Variants in SLC22A25 observed in about 807,000 individuals in gnomAD.
SLC22A25 encodes the protein solute carrier family 22 member 25, also known as MGI:2442751, MGI:2385316, MGI:3042283, MGI:3645714, MGI:3605624, MGI:2442750.
In SLC22A25, 44 loss-of-function variants were observed where a neutral mutation model predicts 45.9. That is an observed-to-expected ratio of 0.96 (90% CI 0.75 to 1.23). The LOEUF is 1.23. Among genes scored for constraint, SLC22A25 ranks in the 50% most tolerant of loss-of-function variants. SLC22A25 has a pLI of 0.00. For synonymous variants in SLC22A25, 283 were observed against 238.6 expected, an observed-to-expected ratio of 1.19 and a Z score of -1.72; for missense variants, 800 against 666.4, an observed-to-expected ratio of 1.20 and a Z score of -2.21.
intron 7 of SLC22A25, among the ~76,000 whole-genome samples, chr11:63,214,784 G>T (rs2089669174): frequency 6.6e-6 from 1 of 150,960 alleles, no homozygotes; most frequent in African/African-American, 2.4e-5. Context: ...TTTGTTCAGG[G>T]CTCAGTCCTT....
rs563010128 is a variant in SLC22A25, at chr11:63,231,539, G to C, written c.-444-1443C>G. Among the ~76,000 whole-genome samples the C allele has an allele frequency of 4.6e-5, 7 of 152,196 alleles. No homozygotes were observed. In the South Asian group the frequency reaches 1.5e-3, roughly 32 times the overall value. On this transcript the variant is annotated intron_variant, in intron 3 of 11. Transcript: ENST00000306494. ...TTTGTTGGAGTTCATTGTAGATTCT[G>C]GATATTAGCCCTTTGTCAGATGAGT...
intron 9 of SLC22A25, among the ~76,000 whole-genome samples, chr11:63,178,659 T>C (rs1041236882): frequency 2.0e-5 from 3 of 152,148 alleles, no homozygotes; most frequent in African/African-American, 7.2e-5. Flanking sequence ...AATAAGCTTA[T>C]TTGTTTTTTT....
chr11:63,188,833 A>C (rs550708594), intron 7 of SLC22A25, among the ~76,000 whole-genome samples: 2 of 152,198 alleles, frequency 1.3e-5, no homozygotes, highest in East Asian at 3.9e-4. Flanking sequence ...CAGGTTGTTC[A>C]GTTTCCATGT....
At chr11:63,205,531 T>C (rs1365769801) in intron 7 of SLC22A25, among the ~76,000 whole-genome samples, 1 of 152,226 alleles carries the variant, frequency 6.6e-6, no homozygotes, top group Non-Finnish European at 1.5e-5. Flanking sequence ...AACAACCCTA[T>C]GCAAATGAAG....
chr11:63,241,248 T>C (rs1384133838), intron 1 of SLC22A25, among the ~76,000 whole-genome samples: 1 of 152,158 alleles, frequency 6.6e-6, no homozygotes, highest in African/African-American at 2.4e-5. Flanking sequence ...TGGGGAGATG[T>C]GAACCTGGAA....
At chr11:63,235,061 C>T (rs960490509) in intron 3 of SLC22A25, among the ~76,000 whole-genome samples, 9 of 152,100 alleles carry the variant, frequency 5.9e-5, no homozygotes, top group African/African-American at 2.2e-4. Flanking sequence ...CTCTGGCTGC[C>T]CTTAACATTT....
chr11:63,197,234 T>C (rs982353326), intron 7 of SLC22A25, among the ~76,000 whole-genome samples: 10 of 152,144 alleles, frequency 6.6e-5, no homozygotes, highest in Admixed American at 2.6e-4. Flanking sequence ...ATGACTTTCT[T>C]CAAACAATCA....
intron 7 of SLC22A25, among the ~76,000 whole-genome samples, chr11:63,215,348 C>A (rs765283447): frequency 2.0e-5 from 3 of 152,060 alleles, no homozygotes; most frequent in Non-Finnish European, 4.4e-5. Flanking sequence ...AACCAAACAC[C>A]ACATATTCTC....
intron 9 of SLC22A25, among the ~76,000 whole-genome samples, chr11:63,168,601 G>A (rs539449735): frequency 2.0e-5 from 3 of 152,264 alleles, no homozygotes; most frequent in Admixed American, 1.3e-4. Context: ...AATAAAGTGT[G>A]AAGGAAAGAC....
chr11:63,231,152 T>C (rs921085446), intron 3 of SLC22A25, among the ~76,000 whole-genome samples: 10 of 152,208 alleles, frequency 6.6e-5, no homozygotes, highest in African/African-American at 2.4e-4. Flanking sequence ...TTATAATCCT[T>C]TGGGTATATA....
At chr11:63,217,519 C>T (rs776542003) in intron 6 of SLC22A25, 37 bp from the exon 7 acceptor site, 4 of 1,611,098 alleles carry the variant, frequency 2.5e-6, no homozygotes, top group Non-Finnish European at 3.4e-6. Flanking sequence ...GCTTTAAATA[C>T]AGGTGGAGCT....
intron 2 of SLC22A25, among the ~76,000 whole-genome samples, chr11:63,238,413 C>G (rs1236115496): frequency 6.6e-6 from 1 of 152,092 alleles, no homozygotes; most frequent in East Asian, 1.9e-4. Flanking sequence ...TTTTTAATTG[C>G]AACCACAGGC....
chr11:63,177,259 G>A (rs1475142912), intron 9 of SLC22A25, among the ~76,000 whole-genome samples: 1 of 151,844 alleles, frequency 6.6e-6, no homozygotes, highest in African/African-American at 2.4e-5. Context: ...ACATATTTAT[G>A]AGGCACTGTG....
Position 63,215,221 on chromosome 11 carries a change from G to A in SLC22A25, c.830+2093C>T, listed in dbSNP as rs545402587. 3.9e-5 allele frequency among the ~76,000 whole-genome samples: 6 copies of A among 152,250 alleles called. No homozygotes were observed. In the East Asian group the frequency reaches 1.2e-3, roughly 29 times the overall value. ...TGATAGACTGGATAAAGAAAATGTG[G>A]CACATATACACCATAGAATATTATG... On this transcript the variant is annotated intron_variant, in intron 7 of 11. Transcript: ENST00000306494.
At chr11:63,199,555 C>T (rs576353986) in intron 7 of SLC22A25, among the ~76,000 whole-genome samples, 2 of 152,224 alleles carry the variant, frequency 1.3e-5, no homozygotes, top group South Asian at 2.1e-4. Context: ...CCCCTCCCGC[C>T]TCCCTCCTCA....
Position 63,229,800 on chromosome 11 carries a change from T to G in SLC22A25, c.-148A>C, listed in dbSNP as rs534755375. On this transcript the variant is annotated 5_prime_UTR_variant, in exon 4 of 12. Coordinates refer to ENST00000306494, the MANE Select transcript of SLC22A25 (RefSeq NM_199352.6). ...TTCTTAATGGGCCCTCTCTCCCATCTGCAGCAGGGTCACGGAAGCAATTTC... is the reference window on the plus strand; with the variant it reads ...TTCTTAATGGGCCCTCTCTCCCATCGGCAGCAGGGTCACGGAAGCAATTTC... 1.2e-6 allele frequency: 1 copy of G among 811,742 alleles called. No homozygotes were observed. Among genetic ancestry groups the G allele is most frequent in the Non-Finnish European group, 1.8e-6 (1 of 555,570 alleles). 50.3% of individuals were successfully genotyped at this position (811,742 alleles called of 1,614,324 possible).
At chr11:63,236,180 G>A (rs947043675) in intron 3 of SLC22A25, among the ~76,000 whole-genome samples, 58 of 152,142 alleles carry the variant, frequency 3.8e-4, no homozygotes, top group Admixed American at 9.2e-4. Context: ...TGTCAGACAG[G>A]GACATTTAAG....
chr11:63,202,700 C>T (rs371191827), intron 7 of SLC22A25, among the ~76,000 whole-genome samples: 10 of 152,262 alleles, frequency 6.6e-5, no homozygotes, highest in East Asian at 5.8e-4. Context: ...GGACAGGGCA[C>T]GTGGGGGAAG....
At chr11:63,214,264 A>C (rs1212098128) in intron 7 of SLC22A25, among the ~76,000 whole-genome samples, 1 of 152,186 alleles carries the variant, frequency 6.6e-6, no homozygotes, top group Non-Finnish European at 1.5e-5. Context: ...AACCTGACAC[A>C]CTACTGCGCA....
Sources: gnomAD v4.1 joint callset for allele counts (sites outside exome capture counted in the v4.1 genomes callset) on GRCh38, gnomAD v4.1.1 for gene constraint, MANE v1.5 for transcripts, NCBI Gene and HGNC (gene_info 2026-07-23, HGNC 2026-07-21) for gene names.